AGAP1: variants seen among roughly 807,000 people sequenced by gnomAD.
AGAP1 encodes the protein ArfGAP with GTPase domain, ankyrin repeat and PH domain 1, also known as arf-GAP with GTPase, ANK repeat and PH domain-containing protein 1.
Under a neutral mutation model 105.3 loss-of-function variants are expected in AGAP1, and 29 were observed. The ratio of observed to expected loss-of-function variants is 0.28; its 90% CI spans 0.21 to 0.38. AGAP1 has a LOEUF of 0.38. AGAP1 is among the 10% of genes least tolerant of loss of function. The probability of loss-of-function intolerance (pLI) is 1.00; values close to 1 mark genes in which losing one functional copy is unlikely to be tolerated. For synonymous variants in AGAP1, 509 were observed against 485.9 expected, an observed-to-expected ratio of 1.05 and a Z score of -0.63; for missense variants, 998 against 1,165.1, an observed-to-expected ratio of 0.86 and a Z score of 2.09.
intron 16 of AGAP1, among the ~76,000 whole-genome samples, chr2:236,081,480 A>G (rs868517019): frequency 6.6e-6 from 1 of 152,160 alleles, no homozygotes; most frequent in South Asian, 2.1e-4. Flanking sequence ...TCTGTGTATC[A>G]AGATAGGGGT....
At chr2:235,859,393 T>G (rs956182716) in intron 9 of AGAP1, among the ~76,000 whole-genome samples, 1 of 24,242 alleles carries the variant, frequency 4.1e-5, no homozygotes, top group African/African-American at 7.4e-5. Flanking sequence ...CCCCACAACC[T>G]CCCCCCCCCC....
At position 235,820,754 on chromosome 2, in the gene AGAP1, G is replaced by A. The variant is rs916503945; in HGVS notation, c.1050+13423G>A. ...CGAGTAATGTGCCAAGTAATGATTA[G>A]GCAATGAGGAACCACGAGAAGCAGA... On this transcript the variant is annotated intron_variant, in intron 9 of 17. Coordinates refer to ENST00000304032, the MANE Select transcript of AGAP1 (RefSeq NM_001037131.3). Among the ~76,000 whole-genome samples the A allele has an allele frequency of 1.9e-4, 29 of 152,202 alleles. 1 individual carries two copies. Among genetic ancestry groups the A allele is most frequent in the Non-Finnish European group, 3.2e-4 (22 of 68,038 alleles).
chr2:235,627,831 A>G lies in AGAP1; in HGVS notation c.164-81348A>G, dbSNP rs551276645. On this transcript the variant is annotated intron_variant, in intron 1 of 17. Coordinates refer to ENST00000304032, the MANE Select transcript of AGAP1 (RefSeq NM_001037131.3). ...GATTTTTCTCAGTGCTTTGAATGTT[A>G]TTTTTGAGTTCTGGCCAAACAGAGA... Among the ~76,000 whole-genome samples the G allele has an allele frequency of 1.4e-4, 21 of 152,262 alleles. No individual in the cohort carries two copies. In the South Asian group the frequency reaches 4.4e-3, roughly 32 times the overall value.
intron 9 of AGAP1, among the ~76,000 whole-genome samples, chr2:235,808,981 G>T (rs777427176): frequency 6.6e-6 from 1 of 152,042 alleles, no homozygotes; most frequent in African/African-American, 2.4e-5. Flanking sequence ...TTTTCAACTG[G>T]AATTATAAAA....
At position 236,029,441 on chromosome 2, in the gene AGAP1, A is replaced by AT. The variant is rs34156847; in HGVS notation, c.1646-7105dup. Among the ~76,000 whole-genome samples the AT allele has an allele frequency of 2.2e-3, 310 of 138,258 alleles. 2 individuals are homozygous for AT. The highest frequency in any genetic ancestry group is 4.2e-3 in the African/African-American group (158 of 37,670). The allele number at this position is 138,258 out of a possible 152,430, so 90.7% of individuals were successfully genotyped here. The stretch of plus-strand genomic sequence containing the variant: ...CAGGTGCGTGCCACCACACCCAGCC[A>AT]TTTTTTTTTTTTTTTCGGTATTTTA... On this transcript the variant is annotated intron_variant, in intron 13 of 17. Transcript: ENST00000304032.
At chr2:236,047,243 G>A (rs753441495) in intron 15 of AGAP1, among the ~76,000 whole-genome samples, 9 of 152,180 alleles carry the variant, frequency 5.9e-5, no homozygotes, top group Non-Finnish European at 1.2e-4. Context: ...GTTGTGCTGC[G>A]TCCATGGTCA....
At chr2:235,933,214 A>ATT (rs2052809497) in intron 12 of AGAP1, among the ~76,000 whole-genome samples, 1 of 152,132 alleles carries the variant, frequency 6.6e-6, no homozygotes, top group East Asian at 1.9e-4. Flanking sequence ...AACCAGATGG[A>ATT]TTTTTTTGTG....
Position 235,936,812 on chromosome 2 carries a change from G to GA in AGAP1, c.1483+5890dup, listed in dbSNP as rs1480128778. The stretch of plus-strand genomic sequence containing the variant: ...CATGCCTAACACTCGTTTCCCTGGG[G>GA]ATCATCATCTCTGATAACTGAGCTT... On this transcript the variant is annotated intron_variant, in intron 12 of 17. Transcript: ENST00000304032. This position sits in a 1 kb window ranked among gnomAD's most constrained non-coding sequence, Gnocchi z 4.7. Among the ~76,000 whole-genome samples, 17 of 152,188 alleles carry GA rather than the reference G, an allele frequency of 1.1e-4. No homozygotes were observed. The East Asian group carries it at 2.9e-3, about 26-fold the overall frequency.
At chr2:235,847,278 C>T (rs983606480) in intron 9 of AGAP1, among the ~76,000 whole-genome samples, 8 of 152,180 alleles carry the variant, frequency 5.3e-5, no homozygotes, top group East Asian at 1.9e-4. Context: ...GACTGAAAAA[C>T]GGCCATCTTT....
At chr2:235,525,654 GAC>G (rs1301840493) in intron 1 of AGAP1, among the ~76,000 whole-genome samples, 3 of 141,882 alleles carry the variant, frequency 2.1e-5, no homozygotes, top group Non-Finnish European at 4.6e-5. Flanking sequence ...GTAGAGGACT[GAC>G]ACATAATGTG....
At chr2:235,648,998 T>C (rs913761443) in intron 1 of AGAP1, among the ~76,000 whole-genome samples, 12 of 152,168 alleles carry the variant, frequency 7.9e-5, no homozygotes, top group Non-Finnish European at 1.6e-4. Flanking sequence ...TAATTGGATC[T>C]TGGGGGACTC....
chr2:235,972,788 CTGAAGCCCG>C (rs1441381758), intron 13 of AGAP1, among the ~76,000 whole-genome samples: 2 of 152,202 alleles, frequency 1.3e-5, no homozygotes, highest in African/African-American at 2.4e-5. Flanking sequence ...CTACAAGCCC[CTGAAGCCCG>C]TGCCATGCCA....
chr2:236,011,933 C>G (rs1045453479), intron 13 of AGAP1, among the ~76,000 whole-genome samples: 2 of 151,970 alleles, frequency 1.3e-5, no homozygotes, highest in Non-Finnish European at 2.9e-5. Context: ...CAAAGTGATT[C>G]CAGGCAGCAG....
At chr2:235,920,089 G>C (rs1415882527) in intron 11 of AGAP1, among the ~76,000 whole-genome samples, 1 of 152,174 alleles carries the variant, frequency 6.6e-6, no homozygotes, top group East Asian at 1.9e-4. Flanking sequence ...GTTGAATTCT[G>C]CTTGGCCACG....
chr2:235,825,707 G>T (rs895325142), intron 9 of AGAP1, among the ~76,000 whole-genome samples: 4 of 152,076 alleles, frequency 2.6e-5, no homozygotes, highest in East Asian at 1.9e-4. Flanking sequence ...TTTGCATGTT[G>T]GTCAGTATAT....
At position 235,751,090 on chromosome 2, in the gene AGAP1, G is replaced by A. The variant is rs531938185; in HGVS notation, c.673+602G>A. On this transcript the variant is annotated intron_variant, in intron 6 of 17. Transcript: ENST00000304032. This position sits in a 1 kb window ranked among gnomAD's most constrained non-coding sequence, Gnocchi z 5.3. ...TCAGACAGAAAATTCTCCTAGGAGA[G>A]CATGAGGTTCTGCAAGAGGGTCACA... 2.0e-5 allele frequency among the ~76,000 whole-genome samples: 3 copies of A among 152,260 alleles called. No individual in the cohort carries two copies. In the South Asian group the frequency reaches 6.2e-4, roughly 32 times the overall value.
intron 16 of AGAP1, among the ~76,000 whole-genome samples, chr2:236,091,068 C>T (rs969827149): frequency 1.3e-5 from 2 of 152,238 alleles, no homozygotes; most frequent in Non-Finnish European, 2.9e-5. Context: ...CATTTCTGAA[C>T]ACATCAATCC....
chr2:235,803,549 G>A (rs942584601), intron 8 of AGAP1, among the ~76,000 whole-genome samples: 1 of 152,176 alleles, frequency 6.6e-6, no homozygotes, highest in African/African-American at 2.4e-5. Context: ...CCCAGCTGGA[G>A]GGGCACTATC....
intron 9 of AGAP1, among the ~76,000 whole-genome samples, chr2:235,821,800 C>T (rs1377102471): frequency 1.3e-5 from 2 of 152,254 alleles, no homozygotes; most frequent in South Asian, 2.1e-4. Context: ...CACTTAATTG[C>T]TTTATTTATT....
Sources: gnomAD v4.1 joint callset for allele counts (sites outside exome capture counted in the v4.1 genomes callset) on GRCh38, gnomAD v4.1.1 for gene constraint, Gnocchi (gnomAD v3.1) non-coding constraint, MANE v1.5 for transcripts, NCBI Gene and HGNC (gene_info 2026-07-23, HGNC 2026-07-21) for gene names.